Variants in PCDHA3 observed in about 807,000 individuals in gnomAD.
PCDHA3 encodes protocadherin alpha-3.
In PCDHA3, 41 loss-of-function variants were observed where a neutral mutation model predicts 62.2. That is an observed-to-expected ratio of 0.66 (90% CI 0.51 to 0.86). The LOEUF (loss-of-function observed/expected upper bound fraction) is 0.86, where lower values mean the gene tolerates loss of function less well. Among genes scored for constraint, PCDHA3 ranks in the 40% least tolerant of loss-of-function variants. PCDHA3 has a pLI of 0.00. For synonymous variants in PCDHA3, 640 were observed against 555.4 expected (o/e 1.15, Z -2.14); for missense variants, 1,304 against 1,241.2 (o/e 1.05, Z -0.76).
chr5:140,829,141 A>G, intron 1 of PCDHA3: 1 of 1,613,462 alleles, frequency 6.2e-7, no homozygotes, highest in Non-Finnish European at 8.5e-7. Flanking sequence ...TCCCTGAGAT[A>G]GCACTGACTT....
chr5:140,848,596 C>T (rs2150413733), intron 1 of PCDHA3: 2 of 1,594,204 alleles, frequency 1.3e-6, no homozygotes, highest in East Asian at 2.2e-5. Flanking sequence ...CTCCACTACT[C>T]CGTCCCGGAG....
chr5:140,833,447 A>G lies in PCDHA3; in HGVS notation c.2394+29856A>G, dbSNP rs2150208593. On this transcript the variant is annotated intron_variant, in intron 1 of 3. Transcript: ENST00000522353. ...GATGGCTGAGCACTGAAATTTATCT[A>G]ATAAAATAAACTTACATTTTAAAAG... Among the ~76,000 whole-genome samples, 6 of 152,344 alleles carry G rather than the reference A, an allele frequency of 3.9e-5. No homozygotes were observed. The East Asian group carries it at 1.2e-3, about 29-fold the overall frequency.
chr5:140,872,785 C>T (rs781982200), intron 1 of PCDHA3, among the ~76,000 whole-genome samples: 12 of 152,072 alleles, frequency 7.9e-5, no homozygotes, highest in Non-Finnish European at 1.3e-4. Context: ...ATAATATATG[C>T]TAGTTGGCAT....
At chr5:140,827,376 A>G (rs1769268337) in intron 1 of PCDHA3, among the ~76,000 whole-genome samples, 2 of 152,246 alleles carry the variant, frequency 1.3e-5, no homozygotes, top group African/African-American at 4.8e-5. Context: ...GAATCCTAAT[A>G]TAAGCTGCAG....
chr5:140,842,481 G>T (rs1554139090), intron 1 of PCDHA3: 1 of 1,613,806 alleles, frequency 6.2e-7, no homozygotes, highest in East Asian at 2.2e-5. Flanking sequence ...CAGGTGACCT[G>T]CTCCCTGATG....
chr5:140,807,612 T>G (rs782576297), intron 1 of PCDHA3: 19 of 1,614,012 alleles, frequency 1.2e-5, no homozygotes, highest in Non-Finnish European at 1.6e-5. Context: ...AACCTGTCCA[T>G]CGCGGAATCC....
At chr5:140,998,130 A>C (rs1226238554) in intron 3 of PCDHA3, among the ~76,000 whole-genome samples, 1 of 152,206 alleles carries the variant, frequency 6.6e-6, no homozygotes, top group Non-Finnish European at 1.5e-5. Context: ...GAATCATAAT[A>C]GCTAACCTGT....
intron 1 of PCDHA3, chr5:140,805,390 C>T: frequency 9.2e-7 from 1 of 1,090,790 alleles, no homozygotes; most frequent in Non-Finnish European, 1.1e-6. Flanking sequence ...ACTCTGGTTT[C>T]TGTTTGATTC....
At chr5:140,914,615 A>G (rs573524299) in intron 1 of PCDHA3, among the ~76,000 whole-genome samples, 12 of 151,836 alleles carry the variant, frequency 7.9e-5, no homozygotes, top group African/African-American at 2.9e-4. Context: ...GCCATTTTGT[A>G]ATTTGTTTTC....
chr5:140,902,657 T>G (rs1331790009), intron 1 of PCDHA3, among the ~76,000 whole-genome samples: 2 of 152,160 alleles, frequency 1.3e-5, no homozygotes, highest in Non-Finnish European at 2.9e-5. Context: ...GGTGCACCTG[T>G]CACCCAAGCA....
At chr5:140,934,528 G>C (rs782284913) in intron 1 of PCDHA3, among the ~76,000 whole-genome samples, 1 of 152,116 alleles carries the variant, frequency 6.6e-6, no homozygotes, top group African/African-American at 2.4e-5. Flanking sequence ...CACTTCGAGA[G>C]CTACCGTTCT....
Position 140,926,934 on chromosome 5 carries a change from C to T in PCDHA3, c.2395-52015C>T, listed in dbSNP as rs138351230. ...TGGCAGTTTTATGTTTGTGGGTTTC[C>T]TGCGGCGCTGCAGCGGGACAGCTCG... On this transcript the variant is annotated intron_variant, in intron 1 of 3. Coordinates refer to ENST00000522353, the MANE Select transcript of PCDHA3 (RefSeq NM_018906.3). The T allele has an allele frequency of 5.7e-6, 9 of 1,578,848 alleles. No homozygotes were observed. The African/African-American group carries it at 1.2e-4, about 21-fold the overall frequency.
intron 3 of PCDHA3, among the ~76,000 whole-genome samples, chr5:140,988,057 C>T (rs557714672): frequency 6.6e-6 from 1 of 152,188 alleles, no homozygotes; most frequent in Non-Finnish European, 1.5e-5. Context: ...GCACTGTCAA[C>T]ATGAATTTTT....
intron 1 of PCDHA3, chr5:140,841,601 G>T: frequency 6.2e-7 from 1 of 1,614,136 alleles, no homozygotes; most frequent in Non-Finnish European, 8.5e-7. Context: ...CGACCGCGAG[G>T]AGCTGTGCGG....
intron 1 of PCDHA3, among the ~76,000 whole-genome samples, chr5:140,903,580 G>T (rs2070406453): frequency 6.6e-6 from 1 of 152,154 alleles, no homozygotes; most frequent in South Asian, 2.1e-4. Context: ...CTGTCTAGCT[G>T]GTGTTGGCCT....
intron 3 of PCDHA3, among the ~76,000 whole-genome samples, chr5:140,992,490 G>A (rs2097515419): frequency 6.6e-6 from 1 of 152,196 alleles, no homozygotes; most frequent in Non-Finnish European, 1.5e-5. Flanking sequence ...AGGCCAATCT[G>A]TAAGGATTCA....
intron 1 of PCDHA3, chr5:140,836,474 C>T (rs1774508920): frequency 6.2e-7 from 1 of 1,613,830 alleles, no homozygotes; most frequent in Admixed American, 1.7e-5. Flanking sequence ...TGGATGTCAA[C>T]GTGTACCTGA....
intron 1 of PCDHA3, among the ~76,000 whole-genome samples, chr5:140,833,813 C>T (rs1772668751): frequency 6.6e-6 from 1 of 152,104 alleles, no homozygotes. Flanking sequence ...TCTTGAGATC[C>T]TGGGTCCCTA....
chr5:140,918,868 T>C (rs1584116749), intron 1 of PCDHA3, among the ~76,000 whole-genome samples: 1 of 152,216 alleles, frequency 6.6e-6, no homozygotes, highest in Admixed American at 6.5e-5. Context: ...TCATGAACTT[T>C]CAAGCCTCTA....
Sources: gnomAD v4.1 joint callset for allele counts (sites outside exome capture counted in the v4.1 genomes callset) on GRCh38, gnomAD v4.1.1 for gene constraint, MANE v1.5 for transcripts, NCBI Gene and HGNC (gene_info 2026-07-23, HGNC 2026-07-21) for gene names.